ANKRD55: variants seen among roughly 807,000 people sequenced by gnomAD.
ANKRD55 encodes ankyrin repeat domain-containing protein 55.
Under a neutral mutation model 60.6 loss-of-function variants are expected in ANKRD55, and 41 were observed. That is an observed-to-expected ratio of 0.68 (90% CI 0.53 to 0.88). ANKRD55 has a LOEUF of 0.88. Among genes scored for constraint, ANKRD55 ranks in the 40% least tolerant of loss-of-function variants. ANKRD55 has a pLI of 0.00. For synonymous variants in ANKRD55, 264 were observed against 290.3 expected (o/e 0.91, Z 0.92); for missense variants, 732 against 767.6 (o/e 0.95, Z 0.55).
intron 6 of ANKRD55, among the ~76,000 whole-genome samples, chr5:56,154,729 C>T (rs1758150166): frequency 1.3e-5 from 2 of 152,040 alleles, no homozygotes; most frequent in Admixed American, 1.3e-4. Flanking sequence ...GCTGGGGCTA[C>T]AGGCATGAGC....
chr5:56,201,604 A>T (rs1173625135), intron 2 of ANKRD55, among the ~76,000 whole-genome samples: 1 of 152,216 alleles, frequency 6.6e-6, no homozygotes, highest in African/African-American at 2.4e-5. Flanking sequence ...TCCGTTCTTC[A>T]CTTGCCAAAT....
intron 6 of ANKRD55, among the ~76,000 whole-genome samples, chr5:56,144,373 G>A (rs12514140): frequency 0.014 from 2,110 of 152,292 alleles, 39 homozygotes; most frequent in Admixed American, 0.04. Context: ...CAGAGGCAGA[G>A]AGTAAGTTAA....
intron 2 of ANKRD55, among the ~76,000 whole-genome samples, chr5:56,208,861 C>T (rs752006191): frequency 9.9e-5 from 15 of 152,086 alleles, no homozygotes; most frequent in Non-Finnish European, 1.5e-4. Flanking sequence ...CGTTCAGTTC[C>T]ATCATAATCT....
At chr5:56,195,538 G>C (rs1759209169) in intron 2 of ANKRD55, among the ~76,000 whole-genome samples, 1 of 152,140 alleles carries the variant, frequency 6.6e-6, no homozygotes, top group African/African-American at 2.4e-5. Flanking sequence ...CTGCCTCCCA[G>C]GTTCAAGCGA....
chr5:56,115,524 G>A (rs907869226), intron 9 of ANKRD55, among the ~76,000 whole-genome samples: 15 of 151,790 alleles, frequency 9.9e-5, no homozygotes, highest in African/African-American at 3.4e-4. Context: ...TTACCATGTT[G>A]GCCAGGCTGG....
chr5:56,143,224 T>C (rs940175058), intron 7 of ANKRD55, among the ~76,000 whole-genome samples: 70 of 152,280 alleles, frequency 4.6e-4, no homozygotes, highest in African/African-American at 1.7e-3. Context: ...CCCTTGAAAA[T>C]AGAAAGCACT....
intron 2 of ANKRD55, among the ~76,000 whole-genome samples, chr5:56,201,025 C>T (rs1178224377): frequency 6.6e-6 from 1 of 152,138 alleles, no homozygotes. Flanking sequence ...GAGTTTCTGT[C>T]CCTAAGAAAG....
chr5:56,226,942 G>A (rs1299887859), intron 2 of ANKRD55, among the ~76,000 whole-genome samples: 4 of 152,162 alleles, frequency 2.6e-5, no homozygotes, highest in Non-Finnish European at 5.9e-5. Context: ...ATTTGTCAAG[G>A]ATCTAGAACT....
At chr5:56,164,013 A>G (rs919782466) in intron 5 of ANKRD55, among the ~76,000 whole-genome samples, 11 of 152,204 alleles carry the variant, frequency 7.2e-5, no homozygotes, top group African/African-American at 2.7e-4. Flanking sequence ...AATTGCTTCA[A>G]TCTGGGAGGT....
intron 4 of ANKRD55, among the ~76,000 whole-genome samples, chr5:56,173,522 C>T (rs1215981633): frequency 3.2e-5 from 4 of 126,736 alleles, no homozygotes; most frequent in Admixed American, 8.4e-5. Flanking sequence ...TCAAATAATA[C>T]GTTAAATGTA....
intron 2 of ANKRD55, among the ~76,000 whole-genome samples, chr5:56,198,084 A>ACTC (rs1342365679): frequency 5.3e-5 from 8 of 152,014 alleles, no homozygotes; most frequent in Non-Finnish European, 1.2e-4. Context: ...TTTTCTAGTT[A>ACTC]CTCTTAAATG....
At chr5:56,109,068 CA>C (rs1756587745) in intron 10 of ANKRD55, among the ~76,000 whole-genome samples, 1 of 151,982 alleles carries the variant, frequency 6.6e-6, no homozygotes, top group Non-Finnish European at 1.5e-5. Context: ...CACACACACA[CA>C]CACACACACA....
intron 7 of ANKRD55, among the ~76,000 whole-genome samples, chr5:56,139,854 T>C (rs1387046806): frequency 6.6e-6 from 1 of 152,006 alleles, no homozygotes; most frequent in Non-Finnish European, 1.5e-5. Flanking sequence ...GGAGGATCTC[T>C]TGAGTCCAGG....
At chr5:56,212,086 A>G (rs925402904) in intron 2 of ANKRD55, among the ~76,000 whole-genome samples, 7 of 85,272 alleles carry the variant, frequency 8.2e-5, no homozygotes, top group African/African-American at 3.3e-4. Context: ...ACACACACAC[A>G]CACGCGTACC....
At chr5:56,223,710 A>G (rs1456431469) in intron 2 of ANKRD55, among the ~76,000 whole-genome samples, 1 of 152,218 alleles carries the variant, frequency 6.6e-6, no homozygotes, top group Non-Finnish European at 1.5e-5. Context: ...GATAAAACAG[A>G]CTTTAAACCA....
intron 5 of ANKRD55, among the ~76,000 whole-genome samples, chr5:56,166,282 G>A (rs967720036): frequency 1.4e-5 from 2 of 140,594 alleles, no homozygotes; most frequent in South Asian, 4.5e-4. Flanking sequence ...TCCTTCCTTC[G>A]GGTCTTGTGC....
At chr5:56,158,128 C>T (rs1296236623) in intron 6 of ANKRD55, among the ~76,000 whole-genome samples, 3 of 151,944 alleles carry the variant, frequency 2.0e-5, no homozygotes, top group African/African-American at 7.3e-5. Flanking sequence ...CTGTAGTGAG[C>T]TGAGATTGCA....
At position 56,116,647 on chromosome 5, in the gene ANKRD55, C is replaced by A; in HGVS notation, c.933G>T (p.Thr311=). 1 of 1,605,348 alleles carries A rather than the reference C, an allele frequency of 6.2e-7. No individual in the cohort carries two copies. The highest frequency in any genetic ancestry group is 1.3e-5 in the African/African-American group (1 of 74,300). ...CTTGGGAGAGGAGTTTGACACACGC[C>A]GTGTGACCGCAGTACAGGGCATAGG... The part of the protein sequence containing the change: ...PLAYALYCGH[T]ACVKLLSQES... The change falls in exon 9 of 12, where the codon ACG becomes ACT. Residue 311 remains threonine, a synonymous_variant. Coordinates refer to ENST00000341048, the MANE Select transcript of ANKRD55 (RefSeq NM_024669.3).
At chr5:56,208,903 G>A (rs2111869930) in intron 2 of ANKRD55, among the ~76,000 whole-genome samples, 1 of 151,986 alleles carries the variant, frequency 6.6e-6, no homozygotes, top group East Asian at 1.9e-4. Context: ...GTAGTACATT[G>A]TTGACCGAAA....
Sources: gnomAD v4.1 joint callset for allele counts (sites outside exome capture counted in the v4.1 genomes callset) on GRCh38, gnomAD v4.1.1 for gene constraint, MANE v1.5 for transcripts, NCBI Gene and HGNC (gene_info 2026-07-23, HGNC 2026-07-21) for gene names.